Variants in APBB2 observed in about 807,000 individuals in gnomAD.
APBB2 encodes Fe65-like 1.
Under a neutral mutation model 82.5 loss-of-function variants are expected in APBB2, and 38 were observed. The observed-to-expected ratio is 0.46, with a 90% confidence interval of 0.36 to 0.60. The LOEUF is 0.60. APBB2 is among the 20% of genes least tolerant of loss of function. The probability of loss-of-function intolerance (pLI) is 0.00; values close to 1 mark genes in which losing one functional copy is unlikely to be tolerated. For synonymous variants in APBB2, 341 were observed against 368.2 expected (o/e 0.93, Z 0.85); for missense variants, 772 against 972.3 (o/e 0.79, Z 2.74).
chr4:41,153,213 T>C (rs1040809817), intron 1 of APBB2, among the ~76,000 whole-genome samples: 21 of 152,224 alleles, frequency 1.4e-4, no homozygotes, highest in African/African-American at 4.3e-4. Context: ...CCTTTGATGC[T>C]TGGTTGAACT....
intron 1 of APBB2, among the ~76,000 whole-genome samples, chr4:41,188,583 C>T (rs1415043473): frequency 6.6e-6 from 1 of 152,210 alleles, no homozygotes; most frequent in Non-Finnish European, 1.5e-5. Context: ...CCTAATCTGC[C>T]AGCACCTTCA....
intron 10 of APBB2, among the ~76,000 whole-genome samples, chr4:40,930,560 G>C (rs994965711): frequency 6.6e-6 from 1 of 152,040 alleles, no homozygotes; most frequent in Admixed American, 6.5e-5. Flanking sequence ...AAGGTGCCCA[G>C]ATTCAGAGTA....
At chr4:40,946,148 C>A (rs934001884) in intron 6 of APBB2, among the ~76,000 whole-genome samples, 1 of 148,372 alleles carries the variant, frequency 6.7e-6, no homozygotes, top group African/African-American at 2.5e-5. Flanking sequence ...AGGAGAAACG[C>A]TTCAACCCAG....
At chr4:40,831,054 G>A (rs774234451) in intron 12 of APBB2, among the ~76,000 whole-genome samples, 16 of 152,116 alleles carry the variant, frequency 1.1e-4, no homozygotes, top group Non-Finnish European at 2.1e-4. Flanking sequence ...AGCTATAATC[G>A]TACCACTGCA....
chr4:40,852,248 G>A (rs974844091), intron 12 of APBB2, among the ~76,000 whole-genome samples: 28 of 151,642 alleles, frequency 1.8e-4, no homozygotes, highest in African/African-American at 6.1e-4. Context: ...CTATTTGGGA[G>A]GCTGAGGCAG....
chr4:40,925,568 A>G (rs1275498889), intron 10 of APBB2, among the ~76,000 whole-genome samples: 1 of 152,216 alleles, frequency 6.6e-6, no homozygotes, highest in Non-Finnish European at 1.5e-5. Flanking sequence ...GACTCAATGA[A>G]TGAATCAACA....
chr4:41,123,788 A>G (rs1376542571), intron 2 of APBB2, among the ~76,000 whole-genome samples: 1 of 152,036 alleles, frequency 6.6e-6, no homozygotes, highest in Non-Finnish European at 1.5e-5. Context: ...GCACCACTGC[A>G]CTCCAGCCTG....
At chr4:41,034,105 T>C (rs1718175197) in intron 4 of APBB2, among the ~76,000 whole-genome samples, 1 of 152,228 alleles carries the variant, frequency 6.6e-6, no homozygotes, top group Non-Finnish European at 1.5e-5. Context: ...AAGTTTTGAA[T>C]GCATGGATCC....
intron 10 of APBB2, among the ~76,000 whole-genome samples, chr4:40,921,024 C>T (rs1403783488): frequency 1.3e-5 from 2 of 152,160 alleles, no homozygotes; most frequent in African/African-American, 2.4e-5. Context: ...ATCAAGCCAC[C>T]GAACCCTCTG....
intron 1 of APBB2, among the ~76,000 whole-genome samples, chr4:41,144,161 A>C (rs1760032573): frequency 6.6e-6 from 1 of 152,276 alleles, no homozygotes. Flanking sequence ...AGGGGACAGG[A>C]CAAATGTTAT....
chr4:40,841,005 C>G (rs1221478677), intron 12 of APBB2, among the ~76,000 whole-genome samples: 1 of 152,188 alleles, frequency 6.6e-6, no homozygotes, highest in Non-Finnish European at 1.5e-5. Context: ...CTGCCCCCGC[C>G]AGGGTCTCCT....
At chr4:40,853,575 G>A (rs919494462) in intron 12 of APBB2, among the ~76,000 whole-genome samples, 2 of 151,630 alleles carry the variant, frequency 1.3e-5, no homozygotes, top group African/African-American at 4.8e-5. Context: ...TCAGCCTCAC[G>A]AGCAGCTGGG....
intron 10 of APBB2, among the ~76,000 whole-genome samples, chr4:40,910,609 A>G (rs1778287591): frequency 6.6e-6 from 1 of 152,198 alleles, no homozygotes; most frequent in Non-Finnish European, 1.5e-5. Context: ...TGCTCAATCT[A>G]AAGGGGGATC....
intron 6 of APBB2, among the ~76,000 whole-genome samples, chr4:40,948,785 A>T (rs1578668919): frequency 7.7e-6 from 1 of 129,716 alleles, no homozygotes; most frequent in East Asian, 2.3e-4. Flanking sequence ...AAAAAAAAAG[A>T]GCCTAATGTG....
chr4:41,079,817 G>A (rs1174779120), intron 3 of APBB2, among the ~76,000 whole-genome samples: 1 of 152,008 alleles, frequency 6.6e-6, no homozygotes, highest in Non-Finnish European at 1.5e-5. Context: ...AAAGTGCTGG[G>A]ATTACAGGCG....
chr4:40,930,451 G>A (rs1334538791), intron 10 of APBB2, among the ~76,000 whole-genome samples: 2 of 27,446 alleles, frequency 7.3e-5, no homozygotes, highest in African/African-American at 1.3e-4. Context: ...GTGTGTGTGC[G>A]CGCGCGCGCG....
intron 1 of APBB2, among the ~76,000 whole-genome samples, chr4:41,152,536 G>A (rs1762531597): frequency 6.6e-6 from 1 of 152,024 alleles, no homozygotes; most frequent in Non-Finnish European, 1.5e-5. Flanking sequence ...CACCGTGTTA[G>A]CCAGGATGGT....
chr4:41,140,811 T>A lies in APBB2; in HGVS notation c.-261+2176A>T, dbSNP rs535168534. ...GCACGTGCCAGGGATCTAGGTTGCATGCTTCCTATGAGAATGTAATGCCTC... is the reference window on the plus strand; with the variant it reads ...GCACGTGCCAGGGATCTAGGTTGCAAGCTTCCTATGAGAATGTAATGCCTC... On this transcript the variant is annotated intron_variant, in intron 2 of 17. Transcript: ENST00000508593. Among the ~76,000 whole-genome samples, 11 of 152,330 alleles carry A rather than the reference T, an allele frequency of 7.2e-5. No individual in the cohort carries two copies. In the East Asian group the frequency reaches 1.9e-3, roughly 27 times the overall value.
intron 3 of APBB2, among the ~76,000 whole-genome samples, chr4:41,091,040 G>A (rs931167998): frequency 6.6e-6 from 1 of 152,056 alleles, no homozygotes; most frequent in Non-Finnish European, 1.5e-5. Flanking sequence ...CTGATCCCCT[G>A]GTGTATTTGT....
Sources: gnomAD v4.1 joint callset for allele counts (sites outside exome capture counted in the v4.1 genomes callset) on GRCh38, gnomAD v4.1.1 for gene constraint, MANE v1.5 for transcripts, NCBI Gene and HGNC (gene_info 2026-07-23, HGNC 2026-07-21) for gene names.